Variants in MYO1A observed in about 807,000 individuals in gnomAD.
MYO1A encodes unconventional myosin-Ia.
In MYO1A, 127 loss-of-function variants were observed where a neutral mutation model predicts 138.5. The observed-to-expected ratio is 0.92, with a 90% CI of 0.79 to 1.06. The LOEUF (loss-of-function observed/expected upper bound fraction) is 1.06, where lower values mean the gene tolerates loss of function less well. Ranked by LOEUF, MYO1A falls within the 50% of genes least tolerant of loss-of-function variation. MYO1A has a pLI of 0.00. For synonymous variants in MYO1A, 477 were observed against 497.5 expected (o/e 0.96, Z 0.55); for missense variants, 1,211 against 1,288.8 (o/e 0.94, Z 0.92).
Position 57,046,534 on chromosome 12 carries a change from C to T in MYO1A, c.640+18G>A. 6.2e-7 allele frequency: 1 copy of T among 1,603,584 alleles called. No individual in the cohort carries two copies. The highest frequency in any genetic ancestry group is 8.5e-7 in the Non-Finnish European group (1 of 1,170,778). On this transcript the variant is annotated intron_variant, in intron 8 of 27. Coordinates refer to ENST00000300119, the MANE Select transcript of MYO1A (RefSeq NM_005379.4). ...CATGTGTCACTCATGAGGACACTTT[C>T]CCCATGCAGGCACATACTCAGCAGC...
Position 57,032,254 on chromosome 12 carries a change from C to T in MYO1A, c.2350-1080G>A, listed in dbSNP as rs545642457. 2.3e-4 allele frequency among the ~76,000 whole-genome samples: 35 copies of T among 152,280 alleles called. 1 individual carries two copies. In the South Asian group the frequency reaches 7.2e-3, roughly 32 times the overall value. Reference sequence around the variant, plus strand: ...ACACTGAGTCCTTATAAGGCAGGATCCCAGGTCTCACATTTTTTTTCACTA... The same window carrying T: ...ACACTGAGTCCTTATAAGGCAGGATTCCAGGTCTCACATTTTTTTTCACTA... On this transcript the variant is annotated intron_variant, in intron 22 of 27. Transcript: ENST00000300119.
intron 3 of MYO1A, 69 bp from the exon 4 acceptor site, chr12:57,047,790 C>T: frequency 6.3e-7 from 1 of 1,595,474 alleles, no homozygotes. Context: ...ACTCAATCTC[C>T]AGCACGCAGG....
At chr12:57,046,124 G>A (rs1592483380) in intron 8 of MYO1A, among the ~76,000 whole-genome samples, 1 of 152,216 alleles carries the variant, frequency 6.6e-6, no homozygotes, top group Non-Finnish European at 1.5e-5. Flanking sequence ...ACCCAGGACA[G>A]CTTCAACTAG....
At position 57,030,327 on chromosome 12, in the gene MYO1A, G is replaced by C; in HGVS notation, c.2485-11C>G. 2 of 1,610,008 alleles carry C rather than the reference G, an allele frequency of 1.2e-6. No homozygotes were observed. Among genetic ancestry groups the C allele is most frequent in the Non-Finnish European group, 1.7e-6 (2 of 1,176,304 alleles). On this transcript the variant is annotated splice_polypyrimidine_tract_variant and intron_variant, in intron 23 of 27. Coordinates refer to ENST00000300119, the MANE Select transcript of MYO1A (RefSeq NM_005379.4). ...CCGGAACCTCTTGCACTGTGAGGAAGGAGGGACAGGAGCTAAAATCATAGA... is the reference window on the plus strand; with the variant it reads ...CCGGAACCTCTTGCACTGTGAGGAACGAGGGACAGGAGCTAAAATCATAGA...
chr12:57,038,251 C>A (rs777879803), intron 17 of MYO1A, among the ~76,000 whole-genome samples, 161 bp downstream of exon 17: 138 of 152,368 alleles, frequency 9.1e-4, no homozygotes, highest in Non-Finnish European at 1.6e-3. Flanking sequence ...ATGCTCTCCC[C>A]CTGTGGGACT....
rs1212854914 is a variant in MYO1A, at chr12:57,036,933, T to C, written c.2205+9A>G. 17 of 1,614,110 alleles carry C rather than the reference T, an allele frequency of 1.1e-5. No homozygotes were observed. The highest frequency in any genetic ancestry group is 2.7e-5 in the African/African-American group (2 of 74,938). ...AGTGAACAGAGTGGGACTTTGGGGA[T>C]GACCGTACCATGTTTCCCCGAAACC... On this transcript the variant is annotated intron_variant, in intron 20 of 27. Transcript: ENST00000300119.
rs952964557 is a variant in MYO1A, at chr12:57,041,205, C to G, written c.1248G>C (p.Glu416Asp). The G allele has an allele frequency of 3.1e-6, 5 of 1,613,376 alleles. No homozygotes were observed. Among genetic ancestry groups the G allele is most frequent in the Non-Finnish European group, 3.4e-6 (4 of 1,179,886 alleles). ...QVFIEMTLKE[E>D]QEEYKREGIP... is the part of the protein sequence containing the mutation. ...TTACTTCTCTCTTATATTCCTCTTGCTCTTCTTTCAGGGTCATCTCTATGA... is the reference window on the plus strand; with the variant it reads ...TTACTTCTCTCTTATATTCCTCTTGGTCTTCTTTCAGGGTCATCTCTATGA... Residue 416 changes from glutamate (E) to aspartate (D), a missense_variant, in exon 14 of 28, where the codon GAG (glutamate) becomes GAC (aspartate). Physicochemically the swap from Glu to Asp is conservative, Grantham distance 45 (BLOSUM62 2). Transcript: ENST00000300119.
chr12:57,030,559 C>T (rs2030229667), intron 23 of MYO1A, among the ~76,000 whole-genome samples: 1 of 152,090 alleles, frequency 6.6e-6, no homozygotes, highest in Non-Finnish European at 1.5e-5. Flanking sequence ...GCTCTATGCT[C>T]AGCTCTCAGG....
rs1565640058 is a variant in MYO1A, at chr12:57,030,259, GC to G, written c.2541del (p.Lys847AsnfsTer39). ...SPKQVEILRE[K>X]LCASELFKGK... Reference sequence around the variant, plus strand: ...CCCTTGAACAGTTCACTGGCACAGAGCTTTTCCCTCAGGATCTCTACCTGCT... The same window carrying G: ...CCCTTGAACAGTTCACTGGCACAGAGTTTTCCCTCAGGATCTCTACCTGCT... On this transcript the variant is annotated frameshift_variant, in exon 24 of 28. Coordinates refer to ENST00000300119, the MANE Select transcript of MYO1A (RefSeq NM_005379.4). LOFTEE classifies it high-confidence loss of function. 1.2e-6 allele frequency: 2 copies of G among 1,614,224 alleles called. No homozygotes were observed. Among genetic ancestry groups the G allele is most frequent in the Non-Finnish European group, 1.7e-6 (2 of 1,180,042 alleles).
At chr12:57,047,234 G>A (rs2031141196) in intron 5 of MYO1A, 69 bp downstream of exon 5, 82 of 1,576,938 alleles carry the variant, frequency 5.2e-5, no homozygotes, top group Non-Finnish European at 6.8e-5. Flanking sequence ...CACTGGGGAA[G>A]AGGGTCTAGG....
At chr12:57,038,387 G>T in intron 17 of MYO1A, 25 bp downstream of exon 17, 1 of 1,610,050 alleles carries the variant, frequency 6.2e-7, no homozygotes. Context: ...TATGTAGCAT[G>T]TTCCCCTGCA....
intron 22 of MYO1A, among the ~76,000 whole-genome samples, chr12:57,034,483 G>T (rs1419924694): frequency 6.6e-6 from 1 of 151,922 alleles, no homozygotes; most frequent in Admixed American, 6.6e-5. Flanking sequence ...GACCAGCCTG[G>T]GCAACATGGT....
At chr12:57,039,706 A>G (rs1411153739) in intron 14 of MYO1A, among the ~76,000 whole-genome samples, 1 of 152,056 alleles carries the variant, frequency 6.6e-6, no homozygotes, top group East Asian at 1.9e-4. Context: ...AATTTGATAC[A>G]TCTTCAAAGA....
In MYO1A at chr12:57,043,316, T is replaced by A. The variant is rs376559042; in HGVS notation, c.935A>T (p.Glu312Val). Residue 312 changes from glutamate (E) to valine (V), a missense_variant, in exon 11 of 28, where the codon GAA (glutamate) becomes GTA (valine). Coordinates refer to ENST00000300119, the MANE Select transcript of MYO1A (RefSeq NM_005379.4). Reference sequence around the variant, plus strand: ...CCTCGAGCACAAAGCTCTCTCTACTTCTTCTGAATTCAAGCCCACCATCTC... The same window carrying A: ...CCTCGAGCACAAAGCTCTCTCTACTACTTCTGAATTCAAGCCCACCATCTC... Reference protein sequence around the residue: ...IGEMVGLNSEEVERALCSRTM... With the variant: ...IGEMVGLNSEVVERALCSRTM... The A allele has an allele frequency of 1.2e-6, 2 of 1,613,998 alleles. No homozygotes were observed. The highest frequency in any genetic ancestry group is 2.7e-5 in the African/African-American group (2 of 74,910).
In MYO1A at chr12:57,036,247, C is replaced by T. The variant is rs533247368; in HGVS notation, c.2349+60G>A. 90 of 1,547,728 alleles carry T rather than the reference C, an allele frequency of 5.8e-5. No homozygotes were observed. In the South Asian group the frequency reaches 9.2e-4, roughly 16 times the overall value. ...TTGGGTTGCCTCTTCTCAAACCCCTCTCCCAAACCTGTGCCTCCCTGCTCC... is the reference window on the plus strand; with the variant it reads ...TTGGGTTGCCTCTTCTCAAACCCCTTTCCCAAACCTGTGCCTCCCTGCTCC... On this transcript the variant is annotated intron_variant, in intron 22 of 27. Coordinates refer to ENST00000300119, the MANE Select transcript of MYO1A (RefSeq NM_005379.4).
At position 57,047,117 on chromosome 12, in the gene MYO1A, T is replaced by G. The variant is rs780777600; in HGVS notation, c.431-10A>C. Reference sequence around the variant, plus strand: ...TTGGCATTGCCAAAAGCTACAGAGATGAGGAGGGGAGAAGTGAAACTCTAG... The same window carrying G: ...TTGGCATTGCCAAAAGCTACAGAGAGGAGGAGGGGAGAAGTGAAACTCTAG... On this transcript the variant is annotated splice_polypyrimidine_tract_variant and intron_variant, in intron 5 of 27. Transcript: ENST00000300119. 3 of 1,613,838 alleles carry G rather than the reference T, an allele frequency of 1.9e-6. No individual in the cohort carries two copies. In the South Asian group the frequency reaches 3.3e-5, roughly 18 times the overall value.
chr12:57,031,457 T>C (rs1038203446), intron 22 of MYO1A, among the ~76,000 whole-genome samples: 3 of 152,150 alleles, frequency 2.0e-5, no homozygotes, highest in Admixed American at 1.3e-4. Context: ...GAGGAACCAA[T>C]ATGAAAGCTG....
At chr12:57,046,501 G>A (rs2031093744) in intron 8 of MYO1A, 51 bp downstream of exon 8, 2 of 1,415,954 alleles carry the variant, frequency 1.4e-6, no homozygotes, top group Non-Finnish European at 2.0e-6. Flanking sequence ...GGAGGTTGGG[G>A]ACTTTGCCAT....
intron 8 of MYO1A, among the ~76,000 whole-genome samples, chr12:57,045,844 C>A (rs1230327670): frequency 6.6e-6 from 1 of 152,178 alleles, no homozygotes; most frequent in African/African-American, 2.4e-5. Flanking sequence ...CCAAGGGGCT[C>A]TAGGTCTTCT....
Sources: allele counts gnomAD v4.1 joint callset (sites outside exome capture counted in the v4.1 genomes callset), GRCh38; gene constraint gnomAD v4.1.1; transcripts MANE v1.5; gene names NCBI Gene and HGNC (gene_info 2026-07-23, HGNC 2026-07-21).